AUTS2: variants seen among roughly 807,000 people sequenced by gnomAD.
AUTS2 encodes activator of transcription and developmental regulator AUTS2.
In AUTS2, 17 loss-of-function variants were observed where a neutral mutation model predicts 112.4. The ratio of observed to expected loss-of-function variants is 0.15; its 90% confidence interval spans 0.10 to 0.23. The LOEUF is 0.23. Ranked by LOEUF, AUTS2 falls within the 10% of genes least tolerant of loss-of-function variation. AUTS2 has a pLI of 1.00. For synonymous variants in AUTS2, 751 were observed against 702.7 expected (o/e 1.07, Z -1.09); for missense variants, 1,510 against 1,701.6 (o/e 0.89, Z 1.98).
At chr7:69,743,516 T>C (rs919121929) in intron 1 of AUTS2, among the ~76,000 whole-genome samples, 2 of 152,196 alleles carry the variant, frequency 1.3e-5, no homozygotes, top group Non-Finnish European at 2.9e-5. Flanking sequence ...TTACATACAA[T>C]AAAGTGCATC....
intron 1 of AUTS2, among the ~76,000 whole-genome samples, chr7:69,730,810 A>C (rs1386410515): frequency 6.6e-6 from 1 of 152,180 alleles, no homozygotes; most frequent in Admixed American, 6.5e-5. Context: ...GTGTTTTCCA[A>C]AATGAACCAC....
rs1805760060 is a variant in AUTS2 at position 70,640,439 on chromosome 7, AAAACCAT to A, written c.691-58126_691-58120del. Among the ~76,000 whole-genome samples, 11 of 151,426 alleles carry A rather than the reference AAAACCAT, an allele frequency of 7.3e-5. No individual in the cohort carries two copies. The South Asian group carries it at 2.3e-3, about 32-fold the overall frequency. ...ACAGGGGGAAAAAAAAAAAAAAAAAAAAACCATAAAAAATCCTGCATGAGGTCAGGGG... is the reference window on the plus strand; with the variant it reads ...ACAGGGGGAAAAAAAAAAAAAAAAAAAAAAAATCCTGCATGAGGTCAGGGG... On this transcript the variant is annotated intron_variant, in intron 5 of 18. Transcript: ENST00000342771.
At chr7:70,081,529 C>G (rs1803315765) in intron 2 of AUTS2, among the ~76,000 whole-genome samples, 1 of 151,928 alleles carries the variant, frequency 6.6e-6, no homozygotes, top group African/African-American at 2.4e-5. Context: ...CCAGTATACT[C>G]CAGTCTGGGC....
intron 5 of AUTS2, among the ~76,000 whole-genome samples, chr7:70,570,681 G>A (rs1343717991): frequency 6.6e-6 from 1 of 152,016 alleles, no homozygotes; most frequent in Non-Finnish European, 1.5e-5. Context: ...CCCAGCTGGG[G>A]TTCCCATTCT....
At chr7:70,729,944 G>T (rs1348393356) in intron 6 of AUTS2, among the ~76,000 whole-genome samples, 1 of 152,046 alleles carries the variant, frequency 6.6e-6, no homozygotes, top group African/African-American at 2.4e-5. Context: ...GTGCAATGGC[G>T]CAATCTCGGC....
rs538328174 is a variant in AUTS2, at chr7:69,849,383, A to G, written c.310-49903A>G. ...TCCAGGGTGACCTTCACCTAGTACA[A>G]TATATGTGTATAGCTCTATGTCGTT... On this transcript the variant is annotated intron_variant, in intron 1 of 18. Coordinates refer to ENST00000342771, the MANE Select transcript of AUTS2 (RefSeq NM_015570.4). Among the ~76,000 whole-genome samples, 175 of 152,278 alleles carry G rather than the reference A, an allele frequency of 1.1e-3. 2 individuals carry two copies. The highest frequency in any genetic ancestry group is 9.6e-4 in the East Asian group (5 of 5,188).
chr7:70,043,743 G>A (rs1801372984), intron 2 of AUTS2, among the ~76,000 whole-genome samples: 1 of 151,874 alleles, frequency 6.6e-6, no homozygotes, highest in South Asian at 2.1e-4. Context: ...CCGAGTAGCT[G>A]GGATTACAGA....
chr7:69,656,179 C>T (rs1052634787), intron 1 of AUTS2, among the ~76,000 whole-genome samples: 1 of 152,218 alleles, frequency 6.6e-6, no homozygotes, highest in Admixed American at 6.5e-5. Flanking sequence ...CCCCTCTGCC[C>T]CTTCCCCAGT....
rs1041536275 is a variant in AUTS2 at position 70,366,277 on chromosome 7, C to T, written c.661-69475C>T. Among the ~76,000 whole-genome samples, 3 of 152,084 alleles carry T rather than the reference C, an allele frequency of 2.0e-5. No homozygotes were observed. The East Asian group carries it at 5.8e-4, about 29-fold the overall frequency. Reference sequence around the variant, plus strand: ...ATAACACATTATAAGTTATATAATACAAACATGAACAAAATTGACAAGAGA... The same window carrying T: ...ATAACACATTATAAGTTATATAATATAAACATGAACAAAATTGACAAGAGA... On this transcript the variant is annotated intron_variant, in intron 4 of 18. Coordinates refer to ENST00000342771, the MANE Select transcript of AUTS2 (RefSeq NM_015570.4).
intron 1 of AUTS2, among the ~76,000 whole-genome samples, chr7:69,752,474 C>T (rs1027844390): frequency 2.6e-5 from 4 of 152,122 alleles, no homozygotes; most frequent in African/African-American, 7.2e-5. Context: ...AACCAGATGC[C>T]GTGAATAACT....
chr7:70,113,526 C>A (rs1805196874), intron 2 of AUTS2, among the ~76,000 whole-genome samples: 1 of 152,120 alleles, frequency 6.6e-6, no homozygotes, highest in Admixed American at 6.5e-5. Context: ...TTTGAGCTTA[C>A]TGAAACATTC....
In AUTS2 at chr7:70,760,207, G is replaced by A. The variant is rs191018800; in HGVS notation, c.743-2663G>A. On this transcript the variant is annotated intron_variant, in intron 6 of 18. Transcript: ENST00000342771. ...TTTTTAGTAGAGGCAGGGTTTCACCGTGTTAGCCAGGATGGTCTCGATCTC... is the reference window on the plus strand; with the variant it reads ...TTTTTAGTAGAGGCAGGGTTTCACCATGTTAGCCAGGATGGTCTCGATCTC... Among the ~76,000 whole-genome samples the A allele has an allele frequency of 5.7e-3, 870 of 152,204 alleles. 3 individuals carry two copies. The highest frequency in any genetic ancestry group is 0.017 in the African/African-American group (690 of 41,534).
chr7:69,893,820 G>A (rs1342069142), intron 1 of AUTS2, among the ~76,000 whole-genome samples: 2 of 152,126 alleles, frequency 1.3e-5, no homozygotes, highest in Admixed American at 6.5e-5. Flanking sequence ...CTTACATAGT[G>A]TTTCATCTGC....
At chr7:70,451,469 A>G (rs1488679808) in intron 5 of AUTS2, among the ~76,000 whole-genome samples, 2 of 151,606 alleles carry the variant, frequency 1.3e-5, no homozygotes, top group Non-Finnish European at 2.9e-5. Flanking sequence ...TTATTTTTTC[A>G]TTTGTGGCAA....
chr7:70,696,365 C>A (rs1390736680), intron 5 of AUTS2, among the ~76,000 whole-genome samples: 1 of 152,116 alleles, frequency 6.6e-6, no homozygotes, highest in Non-Finnish European at 1.5e-5. Flanking sequence ...GGGTGTTTTT[C>A]TGGGGAGGCC....
intron 4 of AUTS2, among the ~76,000 whole-genome samples, chr7:70,286,946 C>T (rs1432279514): frequency 6.6e-6 from 1 of 152,134 alleles, no homozygotes; most frequent in African/African-American, 2.4e-5. Flanking sequence ...TCTAAGGCAA[C>T]GTATTAGAAA....
intron 5 of AUTS2, among the ~76,000 whole-genome samples, chr7:70,517,941 G>A (rs1489387876): frequency 1.3e-5 from 2 of 152,146 alleles, no homozygotes; most frequent in Admixed American, 1.3e-4. Flanking sequence ...ATGGAAGAAT[G>A]GGCTGGCAAG....
chr7:70,124,762 C>T (rs1347628235), intron 3 of AUTS2, among the ~76,000 whole-genome samples: 1 of 152,080 alleles, frequency 6.6e-6, no homozygotes, highest in Non-Finnish European at 1.5e-5. Context: ...GATGTTTTAC[C>T]ATGTTGGCCA....
rs185257525 is a variant in AUTS2 at position 70,461,126 on chromosome 7, T to C, written c.690+25345T>C. 1.6e-4 allele frequency among the ~76,000 whole-genome samples: 25 copies of C among 152,284 alleles called. No homozygotes were observed. In the East Asian group the frequency reaches 4.1e-3, roughly 25 times the overall value. Reference sequence around the variant, plus strand: ...GGAACAGGATGATGAGATTTTTCTTTAGGGGAAGATGACGGCAGCAATAAG... The same window carrying C: ...GGAACAGGATGATGAGATTTTTCTTCAGGGGAAGATGACGGCAGCAATAAG... On this transcript the variant is annotated intron_variant, in intron 5 of 18. Coordinates refer to ENST00000342771, the MANE Select transcript of AUTS2 (RefSeq NM_015570.4).
Sources: gnomAD v4.1 joint callset for allele counts (sites outside exome capture counted in the v4.1 genomes callset) on GRCh38, gnomAD v4.1.1 for gene constraint, MANE v1.5 for transcripts, NCBI Gene and HGNC (gene_info 2026-07-23, HGNC 2026-07-21) for gene names.